The following RIMS2 variants were observed in gnomAD, a reference collection of about 807,000 sequenced individuals.
The protein encoded by RIMS2 is regulating synaptic membrane exocytosis 2.
RIMS2 carries 59 observed loss-of-function variants against 174.4 expected under a neutral mutation model. That is an observed-to-expected ratio of 0.34 (90% CI 0.27 to 0.42). The LOEUF (loss-of-function observed/expected upper bound fraction) is 0.42, where lower values mean the gene tolerates loss of function less well. Ranked by LOEUF, RIMS2 falls within the 10% of genes least tolerant of loss-of-function variation. The probability of loss-of-function intolerance (pLI) is 1.00; values close to 1 mark genes in which losing one functional copy is unlikely to be tolerated. For synonymous variants in RIMS2, 606 were observed against 572.5 expected (o/e 1.06, Z -0.84); for missense variants, 1,620 against 1,666.3 (o/e 0.97, Z 0.48).
chr8:103,764,875 A>T (rs1032380107), intron 2 of RIMS2, among the ~76,000 whole-genome samples: 1 of 152,124 alleles, frequency 6.6e-6, no homozygotes, highest in African/African-American at 2.4e-5. Flanking sequence ...TGCCTTCAAT[A>T]AACTTCAAAT....
At chr8:103,770,601 C>T (rs118127486) in intron 3 of RIMS2, among the ~76,000 whole-genome samples, 1 of 152,178 alleles carries the variant, frequency 6.6e-6, no homozygotes, top group East Asian at 1.9e-4. Flanking sequence ...CAAATATTTG[C>T]TCTCTGATCT....
intron 4 of RIMS2, 148 bp downstream of exon 7, chr8:103,886,371 T>C: frequency 1.5e-6 from 1 of 662,024 alleles, no homozygotes; most frequent in Non-Finnish European, 2.5e-6. Flanking sequence ...GAAGAAAATT[T>C]CGTGTTATAA....
chr8:103,597,796 T>G (rs938690936), intron 1 of RIMS2, among the ~76,000 whole-genome samples: 10 of 152,132 alleles, frequency 6.6e-5, no homozygotes, highest in African/African-American at 2.4e-4. Context: ...GGTTATAAGC[T>G]ATAATCATCT....
In RIMS2 at chr8:103,636,800, CCACA is replaced by C. The variant is rs57760382; in HGVS notation, c.177-60275_177-60272del. ...AACCCACCCCCGCACCCCCCCCCCCCCACACACACACACATACCAATCTGCGTTT... is the reference window on the plus strand; with the variant it reads ...AACCCACCCCCGCACCCCCCCCCCCCCACACACACATACCAATCTGCGTTT... On this transcript the variant is annotated intron_variant, in intron 1 of 23. Transcript: ENST00000504942. 6.4e-3 allele frequency among the ~76,000 whole-genome samples: 168 copies of C among 26,150 alleles called. 3 individuals carry two copies. The highest frequency in any genetic ancestry group is 8.0e-3 in the African/African-American group (48 of 5,988). The allele number at this position is 26,150 out of a possible 152,430, so 17.2% of individuals were successfully genotyped here.
chr8:103,804,346 G>C (rs1165152956), intron 3 of RIMS2, among the ~76,000 whole-genome samples: 1 of 152,142 alleles, frequency 6.6e-6, no homozygotes, highest in Admixed American at 6.6e-5. Flanking sequence ...AAAGGGATTT[G>C]GGGATTCTAC....
chr8:103,669,975 C>T (rs2096724725), intron 1 of RIMS2, among the ~76,000 whole-genome samples: 1 of 152,352 alleles, frequency 6.6e-6, no homozygotes, highest in Admixed American at 6.5e-5. Context: ...CCCACATTTC[C>T]CTTCTGCACT....
intron 19 of RIMS2, among the ~76,000 whole-genome samples, chr8:104,209,711 T>G (rs2099097101): frequency 6.6e-6 from 1 of 152,162 alleles, no homozygotes; most frequent in Admixed American, 6.5e-5. Context: ...GCCTAAAAAT[T>G]TTGTTAAATA....
intron 4 of RIMS2, among the ~76,000 whole-genome samples, chr8:103,891,909 C>T (rs1470884440): frequency 6.6e-6 from 1 of 151,924 alleles, no homozygotes; most frequent in Admixed American, 6.6e-5. Context: ...TTAAAACAAA[C>T]CCAAAAGATG....
chr8:104,153,000 C>G (rs547739353), intron 19 of RIMS2, among the ~76,000 whole-genome samples: 14 of 152,212 alleles, frequency 9.2e-5, no homozygotes, highest in Non-Finnish European at 1.6e-4. Context: ...AGAGTAGAAA[C>G]TCAGCAAAAC....
chr8:104,175,887 A>AT (rs1307505002), intron 19 of RIMS2, among the ~76,000 whole-genome samples: 4 of 152,040 alleles, frequency 2.6e-5, no homozygotes, highest in Non-Finnish European at 4.4e-5. Context: ...CTCTTCTTGC[A>AT]TTTTTTCTTT....
At chr8:103,749,989 T>C (rs2097864959) in intron 2 of RIMS2, among the ~76,000 whole-genome samples, 1 of 152,134 alleles carries the variant, frequency 6.6e-6, no homozygotes, top group South Asian at 2.1e-4. Context: ...GGTTCTAAGC[T>C]TAAATTCCTC....
chr8:103,915,441 A>C (rs769612655), intron 6 of RIMS2, 54 bp from the exon 10 acceptor site: 9 of 1,055,812 alleles, frequency 8.5e-6, no homozygotes, highest in Non-Finnish European at 1.1e-5. Flanking sequence ...CTGAATCTTC[A>C]ACCATGCTCA....
chr8:103,888,084 A>T (rs2029934), intron 4 of RIMS2, among the ~76,000 whole-genome samples: 44,097 of 151,254 alleles, frequency 0.29, 6,556 homozygotes, highest in South Asian at 0.36. Context: ...GATAGTATAA[A>T]ATGACAATAA....
chr8:103,555,467 C>T (rs1309953014), intron 1 of RIMS2, among the ~76,000 whole-genome samples: 1 of 152,076 alleles, frequency 6.6e-6, no homozygotes, highest in Non-Finnish European at 1.5e-5. Flanking sequence ...GGTTCCTCAA[C>T]AAACTAGAAA....
intron 1 of RIMS2, among the ~76,000 whole-genome samples, chr8:103,603,603 C>T (rs996020967): frequency 6.6e-6 from 1 of 151,848 alleles, no homozygotes; most frequent in African/African-American, 2.4e-5. Flanking sequence ...AACTAGTTTA[C>T]AGTCCCACCA....
chr8:103,912,596 A>AT (rs1238961186), intron 6 of RIMS2, among the ~76,000 whole-genome samples: 2 of 152,240 alleles, frequency 1.3e-5, no homozygotes, highest in African/African-American at 4.8e-5. Flanking sequence ...TATATATATA[A>AT]TTTTGTATAA....
intron 2 of RIMS2, among the ~76,000 whole-genome samples, chr8:103,738,737 T>A (rs71520847): frequency 6.6e-6 from 1 of 151,934 alleles, no homozygotes; most frequent in African/African-American, 2.4e-5. Context: ...CAGACACTTC[T>A]CAAAAGAAGA....
rs141537785 is a variant in RIMS2 at position 103,890,385 on chromosome 8, A to G, written c.1624+4162A>G. Among the ~76,000 whole-genome samples the G allele has an allele frequency of 1.2e-4, 18 of 152,136 alleles. No individual in the cohort carries two copies. In the East Asian group the frequency reaches 3.5e-3, roughly 29 times the overall value. On this transcript the variant is annotated intron_variant, in intron 4 of 23. Transcript: ENST00000504942. ...ACTCTTTCAGTGCCTATAATTTGCA[A>G]GGTGTTGGATTGGATCCAGTGGAAA...
chr8:103,999,251 G>A, intron 17 of RIMS2, among the ~76,000 whole-genome samples: 1 of 151,676 alleles, frequency 6.6e-6, no homozygotes, highest in East Asian at 1.9e-4. Flanking sequence ...AAATTTATAA[G>A]TATTTTATTT....
Sources: allele counts gnomAD v4.1 joint callset (sites outside exome capture counted in the v4.1 genomes callset), GRCh38; gene constraint gnomAD v4.1.1; transcripts MANE v1.5; gene names NCBI Gene and HGNC (gene_info 2026-07-23, HGNC 2026-07-21).